The following WDR11 variants were observed in gnomAD, a reference collection of about 807,000 sequenced individuals.
The protein encoded by WDR11 is WD repeat domain 11.
A neutral mutation model predicts 151.2 loss-of-function variants in WDR11; 83 were observed. The ratio of observed to expected loss-of-function variants is 0.55; its 90% CI spans 0.46 to 0.66. The LOEUF is 0.66. Among genes scored for constraint, WDR11 ranks in the 30% least tolerant of loss-of-function variants. The pLI, the probability that WDR11 is intolerant of heterozygous loss-of-function variation, is 0.00. For missense variants in WDR11, 1,301 were observed against 1,480.9 expected (o/e 0.88, Z 1.99); for synonymous variants, 484 against 533.1 (o/e 0.91, Z 1.27).
rs572908973 is a variant in WDR11, at chr10:120,870,605, AATAT to A, written c.1295-558_1295-555del. Among the ~76,000 whole-genome samples the A allele has an allele frequency of 1.3e-4, 20 of 152,234 alleles. 1 individual carries two copies. In the South Asian group the frequency reaches 1.5e-3, roughly 11 times the overall value. On this transcript the variant is annotated intron_variant, in intron 9 of 28. Coordinates refer to ENST00000263461, the MANE Select transcript of WDR11 (RefSeq NM_018117.12). ...GTATATATTATACACGTGATTTATGAATATATATATTTGTATTTGTTTTATATTT... is the reference window on the plus strand; with the variant it reads ...GTATATATTATACACGTGATTTATGAATATATTTGTATTTGTTTTATATTT...
At chr10:120,876,253 T>G (rs531037858) in intron 11 of WDR11, among the ~76,000 whole-genome samples, 6 of 152,268 alleles carry the variant, frequency 3.9e-5, no homozygotes, top group Non-Finnish European at 8.8e-5. Flanking sequence ...GTGCTGGGAT[T>G]ACAGGCGTGA....
chr10:120,881,187 A>G (rs1172573935), intron 13 of WDR11, among the ~76,000 whole-genome samples: 1 of 152,212 alleles, frequency 6.6e-6, no homozygotes, highest in East Asian at 1.9e-4. Flanking sequence ...TACTGAGTGA[A>G]AGAACTCATT....
intron 26 of WDR11, chr10:120,905,662 C>T: frequency 2.2e-6 from 2 of 894,704 alleles, no homozygotes; most frequent in Non-Finnish European, 3.4e-6. Context: ...AGAGTCTGAG[C>T]CGAAACTACA....
chr10:120,878,371 T>G lies in WDR11; in HGVS notation c.1575T>G (p.Ser525Arg), dbSNP rs534335135. The G allele has an allele frequency of 6.2e-7, 1 of 1,612,550 alleles. No homozygotes were observed. Among genetic ancestry groups the G allele is most frequent in the Admixed American group, 1.7e-5 (1 of 59,984 alleles). ...ATTATAGGGGTATTGAATGGACAAG[T>G]TTGACTAGTTTTCTTTCTTTTGCTA... is the stretch of plus-strand genomic sequence containing the variant. ...SCEVKGIEWT[S>R]LTSFLSFATS... is the part of the protein sequence containing the mutation. The change falls in exon 12 of 29, where the codon AGT (serine) becomes AGG (arginine). Residue 525 changes from serine (S) to arginine (R), a missense_variant. Coordinates refer to ENST00000263461, the MANE Select transcript of WDR11 (RefSeq NM_018117.12).
chr10:120,889,472 C>T (rs1336691358), intron 17 of WDR11: 1 of 400,016 alleles, frequency 2.5e-6, no homozygotes, highest in Non-Finnish European at 4.7e-6. Flanking sequence ...GATCTCCTGA[C>T]CTCGTGATCC....
chr10:120,851,725 T>C (rs1845781558), intron 1 of WDR11: 7 of 614,920 alleles, frequency 1.1e-5, no homozygotes, highest in Non-Finnish European at 2.0e-5. Flanking sequence ...ATTTCCCCTC[T>C]TTCTCGCGTA....
At position 120,860,029 on chromosome 10, in the gene WDR11, T is replaced by C. The variant is rs1193130027; in HGVS notation, c.353-80T>C. On this transcript the variant is annotated intron_variant, in intron 3 of 28. Transcript: ENST00000263461. ...TTTTTAAAGATTATATTTTAAAAAC[T>C]AAATATCAAGGACAAGTTAGCCAAG... The C allele has an allele frequency of 2.6e-6, 4 of 1,541,752 alleles. No individual in the cohort carries two copies. In the East Asian group the frequency reaches 9.0e-5, roughly 35 times the overall value.
At chr10:120,854,614 A>G (rs1463130795) in intron 2 of WDR11, among the ~76,000 whole-genome samples, 1 of 152,134 alleles carries the variant, frequency 6.6e-6, no homozygotes, top group Non-Finnish European at 1.5e-5. Flanking sequence ...TCTCATTAGT[A>G]GTGTATGAGG....
chr10:120,883,902 T>C lies in WDR11; in HGVS notation c.1848+14T>C. On this transcript the variant is annotated intron_variant, in intron 14 of 28. Transcript: ENST00000263461. ...ATAACTGCTTTGGTAAGTTACAATT[T>C]AAGAATTTAATAGCTTATTTAGGTA... 1.3e-6 allele frequency: 2 copies of C among 1,595,478 alleles called. No individual in the cohort carries two copies. The highest frequency in any genetic ancestry group is 1.7e-6 in the Non-Finnish European group (2 of 1,163,656).
chr10:120,853,962 A>G (rs1845865021), intron 2 of WDR11, among the ~76,000 whole-genome samples: 1 of 152,144 alleles, frequency 6.6e-6, no homozygotes, highest in East Asian at 1.9e-4. Flanking sequence ...CATTATAGTG[A>G]TCCGGGCTTT....
intron 12 of WDR11, 85 bp downstream of exon 12, chr10:120,878,544 ACCTTGG>A: frequency 8.7e-7 from 1 of 1,144,176 alleles, no homozygotes; most frequent in Non-Finnish European, 1.3e-6. Context: ...TACTTCTTTC[ACCTTGG>A]AATTTTTTTT....
intron 12 of WDR11, chr10:120,879,280 C>T (rs1018859799): frequency 3.3e-5 from 5 of 152,090 alleles, no homozygotes; most frequent in African/African-American, 1.2e-4. Flanking sequence ...TATGTATTTT[C>T]AAGCTCTCAA....
In WDR11 at chr10:120,880,500, G is replaced by A. The variant is rs992299672; in HGVS notation, c.1664-326G>A. 9.2e-6 allele frequency: 3 copies of A among 327,868 alleles called. No individual in the cohort carries two copies. The Admixed American group carries it at 1.3e-4, about 14-fold the overall frequency. The allele number at this position is 327,868 out of a possible 1,614,324, so 20.3% of individuals were successfully genotyped here. A position where few individuals can be genotyped will look rare whatever the true frequency, so the allele number is the denominator to read the frequency against. On this transcript the variant is annotated intron_variant, in intron 12 of 28. Coordinates refer to ENST00000263461, the MANE Select transcript of WDR11 (RefSeq NM_018117.12). ...CATGGTGAAACCCCATCTCTACTAG[G>A]AGTACAAAAATGAGCTGGCGTGGTG...
At chr10:120,869,970 A>G (rs753572131) in intron 9 of WDR11, among the ~76,000 whole-genome samples, 1 of 151,906 alleles carries the variant, frequency 6.6e-6, no homozygotes, top group Non-Finnish European at 1.5e-5. Context: ...TTGTATTTTT[A>G]GTAGAGACAG....
intron 4 of WDR11, among the ~76,000 whole-genome samples, chr10:120,861,104 A>C (rs11199604): frequency 0.3 from 46,103 of 152,090 alleles, 7,388 homozygotes; most frequent in East Asian, 0.42. Flanking sequence ...AAAGTGGTCA[A>C]AGTAGGCTTC....
In WDR11 at chr10:120,865,048, G is replaced by A; in HGVS notation, c.715G>A (p.Ala239Thr). Residue 239 changes from alanine (A) to threonine (T), a missense_variant and splice_region_variant, in exon 6 of 29, where the codon GCT becomes ACT. Ala to Thr is a moderately conservative substitution (Grantham distance 58). This residue lies in a region of WDR11 where 692 missense variants were observed against 762.5 expected (regional missense o/e 0.91). Coordinates refer to ENST00000263461, the MANE Select transcript of WDR11 (RefSeq NM_018117.12). ...KILITQEKPSAEFITLNDCLQ... is the reference protein window; with the variant it reads ...KILITQEKPSTEFITLNDCLQ... ...CAAGTGAATGTTTACTTTTTTCAGT[G>A]CTGAATTCATAACTCTCAATGATTG... 3 of 1,613,686 alleles carry A rather than the reference G, an allele frequency of 1.9e-6. No homozygotes were observed. The highest frequency in any genetic ancestry group is 2.5e-6 in the Non-Finnish European group (3 of 1,179,736).
intron 2 of WDR11, among the ~76,000 whole-genome samples, chr10:120,857,624 C>T (rs1845994619): frequency 6.6e-6 from 1 of 152,148 alleles, no homozygotes; most frequent in Non-Finnish European, 1.5e-5. Flanking sequence ...CGCTCATTTT[C>T]AGAAAACGTT....
chr10:120,852,138 T>C (rs1260596658), intron 1 of WDR11: 1 of 265,474 alleles, frequency 3.8e-6, no homozygotes, highest in African/African-American at 2.2e-5. Context: ...GCAGTGTTTG[T>C]CGTTTTATTT....
chr10:120,887,514 A>G (rs968316938), intron 16 of WDR11, among the ~76,000 whole-genome samples: 2 of 152,212 alleles, frequency 1.3e-5, no homozygotes, highest in East Asian at 3.8e-4. Flanking sequence ...CTAAAAATGG[A>G]ATGCTCTAGT....
Sources: allele counts gnomAD v4.1 joint callset (sites outside exome capture counted in the v4.1 genomes callset), GRCh38; gene constraint gnomAD v4.1.1; regional missense constraint gnomAD v4.1.1; transcripts MANE v1.5; gene names NCBI Gene and HGNC (gene_info 2026-07-23, HGNC 2026-07-21).